Variants in AFDN observed in about 807,000 individuals in gnomAD.
AFDN encodes the protein afadin.
Under a neutral mutation model 216.6 loss-of-function variants are expected in AFDN, and 68 were observed. That is an observed-to-expected ratio of 0.31 (90% CI 0.26 to 0.38). The LOEUF (loss-of-function observed/expected upper bound fraction) is 0.38. Among genes scored for constraint, AFDN ranks in the 10% least tolerant of loss-of-function variants. The probability of loss-of-function intolerance (pLI) is 1.00; values close to 1 mark genes in which losing one functional copy is unlikely to be tolerated. For synonymous variants in AFDN, 868 were observed against 853.7 expected (o/e 1.02, Z -0.29); for missense variants, 2,136 against 2,342.0 (o/e 0.91, Z 1.82).
chr6:167,879,218 C>T (rs1002846693), intron 5 of AFDN, among the ~76,000 whole-genome samples: 1 of 152,132 alleles, frequency 6.6e-6, no homozygotes, highest in African/African-American at 2.4e-5. Flanking sequence ...CTTAGCAGGT[C>T]CATATTCTAA....
chr6:167,930,020 A>T (rs1356364481), intron 23 of AFDN, among the ~76,000 whole-genome samples: 1 of 152,134 alleles, frequency 6.6e-6, no homozygotes, highest in East Asian at 1.9e-4. Flanking sequence ...TCCAGGCAAC[A>T]AGGTGAGACC....
chr6:167,853,557 T>G (rs1782554102), intron 1 of AFDN, among the ~76,000 whole-genome samples: 1 of 152,114 alleles, frequency 6.6e-6, no homozygotes, highest in African/African-American at 2.4e-5. Flanking sequence ...CTTTTTTTGT[T>G]AAATAGTTAC....
intron 1 of AFDN, among the ~76,000 whole-genome samples, chr6:167,858,671 G>C (rs1157369995): frequency 1.3e-5 from 2 of 152,188 alleles, no homozygotes; most frequent in Non-Finnish European, 2.9e-5. Context: ...GAAGTCATTT[G>C]ATTTTAAAGA....
chr6:167,935,079 G>A (rs3800529), intron 23 of AFDN, among the ~76,000 whole-genome samples: 63,138 of 151,644 alleles, frequency 0.42, 13,923 homozygotes, highest in East Asian at 0.8. Flanking sequence ...CTCTCTTGTA[G>A]CTCGTTCTAC....
intron 2 of AFDN, among the ~76,000 whole-genome samples, chr6:167,870,105 T>A (rs1784631277): frequency 6.6e-6 from 1 of 152,234 alleles, no homozygotes; most frequent in Admixed American, 6.5e-5. Flanking sequence ...TGTATACTTT[T>A]TTTCTTATTG....
chr6:167,889,286 G>T lies in AFDN; in HGVS notation c.969G>T (p.Glu323Asp), dbSNP rs1787266364. Residue 323 changes from glutamate to aspartate, a missense_variant, in exon 7 of 34, where the codon GAG becomes GAT. Glu to Asp is a conservative substitution (Grantham distance 45). Around this residue, in one of 8 missense-constraint regions of AFDN, gnomAD observed 817 missense variants for 965.7 expected, o/e 0.85. Coordinates refer to ENST00000683244, the MANE Select transcript of AFDN (RefSeq NM_001386888.1). ...AAGAAATTATTCTTGATGATGATGA[G>T]TGTCCTTTACAAATCTTCAGGGAAT... ...GAKEIILDDD[E>D]CPLQIFREWP... The T allele has an allele frequency of 6.2e-7, 1 of 1,613,934 alleles. No homozygotes were observed. Among genetic ancestry groups the T allele is most frequent in the Non-Finnish European group, 8.5e-7 (1 of 1,179,818 alleles).
Position 167,827,230 on chromosome 6 carries a change from C to A in AFDN, c.98C>A (p.Pro33Gln). The A allele has an allele frequency of 8.3e-7, 1 of 1,206,358 alleles. No homozygotes were observed. Among genetic ancestry groups the A allele is most frequent in the South Asian group, 1.6e-5 (1 of 63,422 alleles). 74.7% of individuals were successfully genotyped at this position (1,206,358 alleles called of 1,614,324 possible). ...CTGGACCTGTTCGAGATCAGCCAGCCGACCGAGGTGAGCACCGCCGGGCGC... is the reference window on the plus strand; with the variant it reads ...CTGGACCTGTTCGAGATCAGCCAGCAGACCGAGGTGAGCACCGCCGGGCGC... ...NRLDLFEISQ[P>Q]TEDLEFHGVM... The change falls in exon 1 of 34, where the codon CCG becomes CAG. Residue 33 changes from proline (P) to glutamine (Q), a missense_variant. Physicochemically the swap from Pro to Gln is moderately conservative, Grantham distance 76. Coordinates refer to ENST00000683244, the MANE Select transcript of AFDN (RefSeq NM_001386888.1).
At chr6:167,834,345 A>G (rs1780162371) in intron 1 of AFDN, among the ~76,000 whole-genome samples, 1 of 149,858 alleles carries the variant, frequency 6.7e-6, no homozygotes, top group South Asian at 2.1e-4. Context: ...GCGAGAACAT[A>G]TGTTTGGTTT....
At chr6:167,946,297 G>T (rs1795248347) in intron 26 of AFDN, among the ~76,000 whole-genome samples, 1 of 152,250 alleles carries the variant, frequency 6.6e-6, no homozygotes, top group South Asian at 2.1e-4. Context: ...GACAGAAGCG[G>T]CCGCCAGGAG....
At chr6:167,875,227 A>T in intron 4 of AFDN, 108 bp from the exon 5 acceptor site, 1 of 959,964 alleles carries the variant, frequency 1.0e-6, no homozygotes, top group Non-Finnish European at 1.6e-6. Context: ...TTAGGTACAG[A>T]TGTAGCCAAA....
chr6:167,929,931 A>G (rs1435786866), intron 23 of AFDN, among the ~76,000 whole-genome samples: 1 of 152,238 alleles, frequency 6.6e-6, no homozygotes. Flanking sequence ...GCCAGGCGCC[A>G]TGGCTCATGC....
chr6:167,894,037 T>C, intron 9 of AFDN, 131 bp downstream of exon 9: 1 of 680,642 alleles, frequency 1.5e-6, no homozygotes, highest in Non-Finnish European at 2.6e-6. Flanking sequence ...TTTAAGAAAT[T>C]TAATGTACTG....
chr6:167,866,739 T>C (rs976845823), intron 2 of AFDN, among the ~76,000 whole-genome samples: 6 of 152,186 alleles, frequency 3.9e-5, no homozygotes, highest in African/African-American at 2.4e-5. Context: ...CAGCTTTGTA[T>C]GTATGTGATG....
Position 167,864,709 on chromosome 6 carries a change from T to G in AFDN, c.264T>G (p.Ser88=). 1 of 1,614,150 alleles carries G rather than the reference T, an allele frequency of 6.2e-7. No homozygotes were observed. Among genetic ancestry groups the G allele is most frequent in the Middle Eastern group, 1.6e-4 (1 of 6,062 alleles). Residue 88 remains serine, a synonymous_variant, in exon 2 of 34, where the codon TCT becomes TCG. Transcript: ENST00000683244. The part of the protein sequence containing the change: ...KFRPDMRMLS[S]PKYSLYEVHV... ...GACCTGATATGCGAATGCTGTCCTC[T>G]CCCAAGTATTCACTCTATGAAGTGC...
At chr6:167,879,325 A>T (rs1433760291) in intron 5 of AFDN, among the ~76,000 whole-genome samples, 2 of 152,252 alleles carry the variant, frequency 1.3e-5, no homozygotes, top group Non-Finnish European at 2.9e-5. Flanking sequence ...GTTGAAAAAG[A>T]GAGTATGAGA....
At chr6:167,935,184 C>T (rs529916686) in intron 23 of AFDN, among the ~76,000 whole-genome samples, 1 of 152,254 alleles carries the variant, frequency 6.6e-6, no homozygotes, top group Non-Finnish European at 1.5e-5. Context: ...TCTGAAACCC[C>T]CTTCTTCCTT....
chr6:167,844,348 G>A (rs956677774), intron 1 of AFDN, among the ~76,000 whole-genome samples: 18 of 151,836 alleles, frequency 1.2e-4, no homozygotes, highest in African/African-American at 3.6e-4. Context: ...TTTGAATTTT[G>A]TTTTACAAAA....
At chr6:167,943,085 C>T in intron 23 of AFDN, 44 bp from the exon 24 acceptor site, 1 of 1,533,260 alleles carries the variant, frequency 6.5e-7, no homozygotes, top group Non-Finnish European at 9.0e-7. Context: ...GCATTTCTTA[C>T]AATATATCTT....
intron 23 of AFDN, among the ~76,000 whole-genome samples, chr6:167,937,226 A>G (rs561219398): frequency 1.3e-5 from 2 of 152,168 alleles, no homozygotes; most frequent in Admixed American, 1.3e-4. Context: ...TACCTGTTAC[A>G]TTATCTAGAT....
Sources: allele counts gnomAD v4.1 joint callset (sites outside exome capture counted in the v4.1 genomes callset), GRCh38; gene constraint gnomAD v4.1.1; regional missense constraint gnomAD v4.1.1; transcripts MANE v1.5; gene names NCBI Gene and HGNC (gene_info 2026-07-23, HGNC 2026-07-21).